The following CRYBG3 variants were observed in gnomAD, a reference collection of about 807,000 sequenced individuals.
CRYBG3 encodes the protein crystallin beta-gamma domain containing 3.
Under a neutral mutation model 244.2 loss-of-function variants are expected in CRYBG3, and 127 were observed. The ratio of observed to expected loss-of-function variants is 0.52; its 90% CI spans 0.45 to 0.60. CRYBG3 has a LOEUF of 0.60. CRYBG3 is among the 20% of genes least tolerant of loss of function. CRYBG3 has a pLI of 0.00. For synonymous variants in CRYBG3, 1,132 were observed against 1,195.8 expected (o/e 0.95, Z 1.10); for missense variants, 3,325 against 3,442.5 (o/e 0.97, Z 0.85).
At chr3:97,893,998 CACTT>C (rs1292797101) in intron 11 of CRYBG3, among the ~76,000 whole-genome samples, 4 of 152,108 alleles carry the variant, frequency 2.6e-5, no homozygotes, top group Non-Finnish European at 5.9e-5. Context: ...ACATATTAAT[CACTT>C]ACTTCCTTGT....
intron 1 of CRYBG3, among the ~76,000 whole-genome samples, chr3:97,841,232 G>GTGTGTATATACATATATGTATATA (rs1330408584): frequency 7.4e-5 from 11 of 149,416 alleles, no homozygotes; most frequent in East Asian, 5.9e-4. Context: ...ATGTATATAT[G>GTGTGTATATACATATATGTATATA]TGTGTATATA....
Position 97,896,040 on chromosome 3 carries a change from T to C in CRYBG3, c.7656T>C (p.Cys2552=). 1 of 1,613,198 alleles carries C rather than the reference T, an allele frequency of 6.2e-7. No individual in the cohort carries two copies. The highest frequency in any genetic ancestry group is 8.5e-7 in the Non-Finnish European group (1 of 1,179,274). ...GAGACTTTGAAGACAGTAATGCTTG[T>C]GGTGCATTAAGTAGCCCTATCTTGT... ...EEGDFEDSNA[C]GALSSPILSF... The change falls in exon 12 of 22, where the codon TGT becomes TGC. Residue 2552 remains cysteine (C), a synonymous_variant. Coordinates refer to ENST00000389622, the MANE Select transcript of CRYBG3 (RefSeq NM_153605.4).
At position 97,875,915 on chromosome 3, in the gene CRYBG3, A is replaced by AT; in HGVS notation, c.4722dup (p.Lys1575Ter). 1.6e-6 allele frequency: 2 copies of AT among 1,232,090 alleles called. No homozygotes were observed. Among genetic ancestry groups the AT allele is most frequent in the Non-Finnish European group, 2.0e-6 (2 of 987,926 alleles). The allele number at this position is 1,232,090 out of a possible 1,614,324, so 76.3% of individuals were successfully genotyped here. The stretch of plus-strand genomic sequence containing the variant: ...CCTATGATAGAAATGGGAAGAATAC[A>AT]TAAAATGGATGCTGAATTGAATGTC... On this transcript the variant is annotated frameshift_variant, in exon 4 of 22. Transcript: ENST00000389622. LOFTEE classifies it high-confidence loss of function.
intron 7 of CRYBG3, among the ~76,000 whole-genome samples, chr3:97,885,325 T>C (rs1239848521): frequency 6.6e-6 from 1 of 152,170 alleles, no homozygotes; most frequent in Non-Finnish European, 1.5e-5. Context: ...ATTATACTTT[T>C]AGAATTGCAA....
chr3:97,870,127 T>C (rs1036252340), intron 3 of CRYBG3, among the ~76,000 whole-genome samples: 3 of 152,190 alleles, frequency 2.0e-5, no homozygotes, highest in African/African-American at 7.2e-5. Flanking sequence ...ACCATACTGT[T>C]TTTTTAAAAA....
At chr3:97,853,770 TGTGGTATCACAATC>T (rs1214751422) in intron 2 of CRYBG3, among the ~76,000 whole-genome samples, 17 of 152,182 alleles carry the variant, frequency 1.1e-4, no homozygotes, top group African/African-American at 3.6e-4. Flanking sequence ...ACTTAAATAT[TGTGGTATCACAATC>T]GTGGTATCAC....
intron 17 of CRYBG3, among the ~76,000 whole-genome samples, chr3:97,926,508 A>G (rs2040041948): frequency 1.3e-5 from 2 of 152,050 alleles, no homozygotes. Context: ...GAAAACTGGA[A>G]CAGGAGAAGG....
chr3:97,833,707 T>G (rs2038688850), intron 1 of CRYBG3, among the ~76,000 whole-genome samples: 2 of 152,040 alleles, frequency 1.3e-5, no homozygotes, highest in African/African-American at 4.8e-5. Flanking sequence ...TCCCAGAACT[T>G]CAAAGTATAA....
Position 97,943,376 on chromosome 3 carries a change from G to A in CRYBG3, c.*62G>A. On this transcript the variant is annotated 3_prime_UTR_variant, in exon 22 of 22. Coordinates refer to ENST00000389622, the MANE Select transcript of CRYBG3 (RefSeq NM_153605.4). ...CAAAGAAGGAAACACATCTGTCATT[G>A]TCTTGTGGACGTGGAAAGGAAGCTA... 1 of 957,652 alleles carries A rather than the reference G, an allele frequency of 1.0e-6. No homozygotes were observed. The highest frequency in any genetic ancestry group is 1.7e-6 in the Non-Finnish European group (1 of 604,728). 59.3% of individuals were successfully genotyped at this position (957,652 alleles called of 1,614,324 possible).
chr3:97,938,498 A>G (rs1441335227), intron 19 of CRYBG3, among the ~76,000 whole-genome samples: 9 of 151,990 alleles, frequency 5.9e-5, no homozygotes, highest in Non-Finnish European at 1.0e-4. Context: ...CCAATAAAAT[A>G]TTAACCTAAT....
At chr3:97,934,952 A>G (rs1476968800) in intron 18 of CRYBG3, among the ~76,000 whole-genome samples, 1 of 151,912 alleles carries the variant, frequency 6.6e-6, no homozygotes, top group Non-Finnish European at 1.5e-5. Context: ...CACTGGTGCC[A>G]TTTTATCTTG....
intron 15 of CRYBG3, among the ~76,000 whole-genome samples, chr3:97,906,530 G>C (rs2039776972): frequency 7.0e-6 from 1 of 143,842 alleles, no homozygotes; most frequent in Non-Finnish European, 1.5e-5. Context: ...GTTCACTCAT[G>C]ATTTGGTTCT....
rs751622245 is a variant in CRYBG3 at position 97,888,410 on chromosome 3, T to C, written c.7359T>C (p.Phe2453=). The change falls in exon 9 of 22, where the codon TTT becomes TTC. Residue 2453 remains phenylalanine (F), a synonymous_variant. Coordinates refer to ENST00000389622, the MANE Select transcript of CRYBG3 (RefSeq NM_153605.4). ...TTCTGGAGGAAGACCATGGGCTCTTTGAGATTTCTACAGCAGAAATGAAAT... is the reference window on the plus strand; with the variant it reads ...TTCTGGAGGAAGACCATGGGCTCTTCGAGATTTCTACAGCAGAAATGAAAT... The part of the protein sequence containing the change: ...ATVLEEDHGL[F]EISTAEMKSL... The C allele has an allele frequency of 2.5e-6, 4 of 1,612,856 alleles. No homozygotes were observed. The African/African-American group carries it at 4.0e-5, about 16-fold the overall frequency.
At chr3:97,846,871 G>C (rs1231453591) in intron 2 of CRYBG3, among the ~76,000 whole-genome samples, 1 of 151,970 alleles carries the variant, frequency 6.6e-6, no homozygotes, top group East Asian at 1.9e-4. Flanking sequence ...AGCTGTTTTT[G>C]CATTGCTATA....
At chr3:97,932,311 A>G (rs2040106521) in intron 17 of CRYBG3, among the ~76,000 whole-genome samples, 1 of 152,044 alleles carries the variant, frequency 6.6e-6, no homozygotes, top group East Asian at 1.9e-4. Context: ...GTGATCTTTC[A>G]TAAAGAGCTC....
chr3:97,920,533 T>TCCC (rs2039971906), intron 17 of CRYBG3, among the ~76,000 whole-genome samples: 1 of 151,248 alleles, frequency 6.6e-6, no homozygotes, highest in Non-Finnish European at 1.5e-5. Flanking sequence ...ATTACCCCCC[T>TCCC]CCCCCCACTT....
rs924653585 is a variant in CRYBG3 at position 97,857,751 on chromosome 3, G to A, written c.217-6466G>A. 3.9e-5 allele frequency among the ~76,000 whole-genome samples: 6 copies of A among 151,932 alleles called. No homozygotes were observed. The East Asian group carries it at 1.2e-3, about 29-fold the overall frequency. On this transcript the variant is annotated intron_variant, in intron 2 of 21. Transcript: ENST00000389622. ...TTTCTTTTAGGTAGCATATAGTTGA[G>A]TTCTGTTTTTTTATCCATTCGGCTA...
At chr3:97,842,436 C>T (rs908159087) in intron 1 of CRYBG3, among the ~76,000 whole-genome samples, 1 of 151,826 alleles carries the variant, frequency 6.6e-6, no homozygotes, top group African/African-American at 2.4e-5. Context: ...TAGCATGCAC[C>T]TGTAGTCCTG....
rs775348476 is a variant in CRYBG3, at chr3:97,886,616, A to T, written c.7153-15A>T. The T allele has an allele frequency of 6.7e-6, 8 of 1,202,258 alleles. No homozygotes were observed. The highest frequency in any genetic ancestry group is 2.2e-5 in the Admixed American group (1 of 45,418). The allele number at this position is 1,202,258 out of a possible 1,614,324, so 74.5% of individuals were successfully genotyped here. On this transcript the variant is annotated splice_polypyrimidine_tract_variant and intron_variant, in intron 7 of 21. Transcript: ENST00000389622. ...CTCTAGTTGATTTCAAAGCCAAATT[A>T]TTTTTTTTTTTCAGGACTGCAGCAT...
Sources: allele counts gnomAD v4.1 joint callset (sites outside exome capture counted in the v4.1 genomes callset), GRCh38; gene constraint gnomAD v4.1.1; transcripts MANE v1.5; gene names NCBI Gene and HGNC (gene_info 2026-07-23, HGNC 2026-07-21).